AGBL1: variants seen among roughly 807,000 people sequenced by gnomAD.
AGBL1 encodes AGBL carboxypeptidase 1.
Under a neutral mutation model 118.9 loss-of-function variants are expected in AGBL1, and 130 were observed. That is an observed-to-expected ratio of 1.09 (90% CI 0.95 to 1.26). AGBL1 has a LOEUF of 1.26. AGBL1 is among the 50% of genes most tolerant of loss of function. The probability of loss-of-function intolerance (pLI) is 0.00; values close to 1 mark genes in which losing one functional copy is unlikely to be tolerated. For missense variants in AGBL1, 1,584 were observed against 1,298.1 expected (o/e 1.22, Z -3.38); for synonymous variants, 555 against 478.9 (o/e 1.16, Z -2.08).
intron 22 of AGBL1, among the ~76,000 whole-genome samples, chr15:86,693,688 G>T (rs2086210244): frequency 6.6e-6 from 1 of 151,490 alleles, no homozygotes; most frequent in African/African-American, 2.4e-5. Flanking sequence ...TGCCTAGAGG[G>T]TCTTTTCCAA....
chr15:86,810,415 T>C (rs1415852356), intron 22 of AGBL1, among the ~76,000 whole-genome samples: 1 of 152,116 alleles, frequency 6.6e-6, no homozygotes, highest in East Asian at 1.9e-4. Flanking sequence ...CCCATCACTC[T>C]CTCTTCCTCT....
At chr15:86,581,981 G>C (rs2142333127) in intron 21 of AGBL1, among the ~76,000 whole-genome samples, 1 of 152,222 alleles carries the variant, frequency 6.6e-6, no homozygotes, top group South Asian at 2.1e-4. Flanking sequence ...CTCTGGCTTG[G>C]AAAGTTTCTC....
intron 21 of AGBL1, among the ~76,000 whole-genome samples, chr15:86,570,503 G>A (rs1011137876): frequency 1.6e-4 from 25 of 152,244 alleles, no homozygotes; most frequent in African/African-American, 6.0e-4. Flanking sequence ...GAAAAAGTGG[G>A]AATTTCTCAG....
intron 22 of AGBL1, among the ~76,000 whole-genome samples, chr15:86,776,518 T>C (rs1354103737): frequency 2.0e-5 from 3 of 150,312 alleles, no homozygotes; most frequent in Non-Finnish European, 4.5e-5. Context: ...TGTTCTTTTT[T>C]TTCTTATTGA....
Position 86,507,509 on chromosome 15 carries a change from G to A in AGBL1, c.2556-15301G>A, listed in dbSNP as rs188735687. Among the ~76,000 whole-genome samples, 481 of 152,250 alleles carry A rather than the reference G, an allele frequency of 3.2e-3. 2 individuals are homozygous for A. The highest frequency in any genetic ancestry group is 0.011 in the African/African-American group (451 of 41,562). On this transcript the variant is annotated intron_variant, in intron 18 of 22. Coordinates refer to ENST00000614907, the MANE Select transcript of AGBL1 (RefSeq NM_001386094.1). ...ATCATTAAGCCTACACTCTAGTGGG[G>A]AAGAGAGAACATGAACTAAACTAGG...
chr15:86,856,527 T>C (rs1343524431), intron 22 of AGBL1, among the ~76,000 whole-genome samples: 1 of 152,260 alleles, frequency 6.6e-6, no homozygotes, highest in African/African-American at 2.4e-5. Flanking sequence ...CACACAGTTA[T>C]TCCCTACACT....
chr15:86,304,381 G>A (rs372268099), intron 17 of AGBL1, among the ~76,000 whole-genome samples: 6 of 152,110 alleles, frequency 3.9e-5, no homozygotes, highest in Admixed American at 1.3e-4. Context: ...TCATGCTCAC[G>A]TCAAGGAAGT....
chr15:86,909,081 C>CAA lies in AGBL1; in HGVS notation c.*1791_*1792dup, dbSNP rs753837355. 9.9e-5 allele frequency: 15 copies of CAA among 152,144 alleles called. No individual in the cohort carries two copies. The highest frequency in any genetic ancestry group is 2.1e-4 in the Non-Finnish European group (14 of 68,044). The allele number at this position is 152,144 out of a possible 1,614,324, so 9.4% of individuals were successfully genotyped here. ...ATCCCAGGCAGTAGCAAGAAGAACA[C>CAA]AAAAAGAAATGCCTGTTTTCTATCT... On this transcript the variant is annotated 3_prime_UTR_variant, in exon 23 of 23. Coordinates refer to ENST00000614907, the MANE Select transcript of AGBL1 (RefSeq NM_001386094.1).
intron 23 of AGBL1, among the ~76,000 whole-genome samples, chr15:86,925,704 TTTTTCTTTTTC>T (rs1322978545): frequency 6.7e-5 from 10 of 149,126 alleles, no homozygotes; most frequent in African/African-American, 2.5e-4. Context: ...TTCTTTTTTC[TTTTTCTTTTTC>T]TTTTCTTTTT....
chr15:86,522,847 C>G lies in AGBL1; in HGVS notation c.2593C>G (p.Gln865Glu). The G allele has an allele frequency of 6.2e-7, 1 of 1,613,736 alleles. No homozygotes were observed. Among genetic ancestry groups the G allele is most frequent in the East Asian group, 2.2e-5 (1 of 44,872 alleles). The stretch of plus-strand genomic sequence containing the variant: ...ACTGAGCGGGGAAGATTTGAACAGA[C>G]AATGGCTTTCTCCCAGTGCTCATCT... ...CSLSGEDLNR[Q>E]WLSPSAHLQP... The change falls in exon 19 of 23, where the codon CAA (glutamine) becomes GAA (glutamate). Residue 865 changes from glutamine (Q) to glutamate (E), a missense_variant. Physicochemically the swap from Gln to Glu is conservative, Grantham distance 29. Coordinates refer to ENST00000614907, the MANE Select transcript of AGBL1 (RefSeq NM_001386094.1).
At chr15:86,463,897 T>C (rs1283337191) in intron 18 of AGBL1, among the ~76,000 whole-genome samples, 1 of 152,156 alleles carries the variant, frequency 6.6e-6, no homozygotes, top group African/African-American at 2.4e-5. Flanking sequence ...TCATCCTTTT[T>C]GCTTAGGATT....
chr15:86,569,458 G>A (rs542495401), intron 21 of AGBL1, among the ~76,000 whole-genome samples: 1 of 151,050 alleles, frequency 6.6e-6, no homozygotes, highest in South Asian at 2.1e-4. Context: ...TATCATTTTA[G>A]TAGAAATACT....
intron 22 of AGBL1, among the ~76,000 whole-genome samples, chr15:86,790,518 TGTGGCAAAC>T (rs2078477359): frequency 2.0e-5 from 3 of 152,222 alleles, no homozygotes; most frequent in Admixed American, 6.5e-5. Flanking sequence ...GCTAGTGCCC[TGTGGCAAAC>T]TTGCTATTTG....
chr15:86,808,306 T>C (rs1461273980), intron 22 of AGBL1, among the ~76,000 whole-genome samples: 1 of 152,162 alleles, frequency 6.6e-6, no homozygotes, highest in Admixed American at 6.5e-5. Flanking sequence ...TTCTCTATGT[T>C]GCATTTGCAC....
intron 22 of AGBL1, among the ~76,000 whole-genome samples, chr15:86,700,626 G>A (rs2086341742): frequency 6.6e-6 from 1 of 151,918 alleles, no homozygotes; most frequent in Admixed American, 6.6e-5. Flanking sequence ...ATCAAAACTT[G>A]CAATTTTCAG....
At chr15:87,012,667 A>T (rs910170602) in intron 24 of AGBL1, among the ~76,000 whole-genome samples, 2 of 152,054 alleles carry the variant, frequency 1.3e-5, no homozygotes, top group African/African-American at 4.8e-5. Flanking sequence ...AGCCACTTTT[A>T]AATCTCACCC....
At chr15:86,610,394 T>G (rs2084639962) in intron 21 of AGBL1, among the ~76,000 whole-genome samples, 2 of 152,290 alleles carry the variant, frequency 1.3e-5, no homozygotes, top group South Asian at 4.1e-4. Context: ...AAATTAAAAT[T>G]TTTAGCATGT....
rs146664600 is a variant in AGBL1 at position 86,250,111 on chromosome 15, C to T, written c.735+2232C>T. Among the ~76,000 whole-genome samples the T allele has an allele frequency of 1.2e-3, 181 of 152,246 alleles. 2 individuals carry two copies. Among genetic ancestry groups the T allele is most frequent in the Non-Finnish European group, 2.4e-3 (164 of 68,020 alleles). ...TTCAGGAGGGGCCTATGGGATAGTG[C>T]TGAGTAAATAGGCCATGACACATCT... On this transcript the variant is annotated intron_variant, in intron 7 of 22. Transcript: ENST00000614907.
intron 3 of AGBL1, among the ~76,000 whole-genome samples, chr15:86,144,046 T>A (rs2077000444): frequency 6.6e-6 from 1 of 152,124 alleles, no homozygotes; most frequent in Non-Finnish European, 1.5e-5. Flanking sequence ...CAAGGTATGG[T>A]GCTCAGGACA....
Sources: allele counts gnomAD v4.1 joint callset (sites outside exome capture counted in the v4.1 genomes callset), GRCh38; gene constraint gnomAD v4.1.1; transcripts MANE v1.5; gene names NCBI Gene and HGNC (gene_info 2026-07-23, HGNC 2026-07-21).